Variants in DICER1 observed in about 807,000 individuals in gnomAD.
DICER1 encodes dicer 1, ribonuclease III.
Under a neutral mutation model 194.1 loss-of-function variants are expected in DICER1, and 43 were observed. That is an observed-to-expected ratio of 0.22 (90% CI 0.17 to 0.29). The LOEUF is 0.29. DICER1 is among the 10% of genes least tolerant of loss of function. DICER1 has a pLI of 1.00. For synonymous variants in DICER1, 832 were observed against 820.5 expected, an observed-to-expected ratio of 1.01 and a Z score of -0.24; for missense variants, 1,608 against 2,317.0, an observed-to-expected ratio of 0.69 and a Z score of 6.28.
At chr14:95,133,882 A>G (rs2140299412) in intron 1 of DICER1, among the ~76,000 whole-genome samples, 1 of 152,388 alleles carries the variant, frequency 6.6e-6, no homozygotes, top group Non-Finnish European at 1.5e-5. Flanking sequence ...ATTATAGCAC[A>G]TATCTGTAGT....
chr14:95,151,439 TA>T (rs1457058000), intron 1 of DICER1, among the ~76,000 whole-genome samples: 1 of 152,164 alleles, frequency 6.6e-6, no homozygotes, highest in African/African-American at 2.4e-5. Flanking sequence ...AAAAGAAAAA[TA>T]TTACATTAAT....
At chr14:95,134,527 T>C (rs1894210437) in intron 1 of DICER1, 1 of 152,238 alleles carries the variant, frequency 6.6e-6, no homozygotes, top group Non-Finnish European at 1.5e-5. Flanking sequence ...TTCAACTCTG[T>C]TACTTAACAA....
chr14:95,130,146 C>G lies in DICER1; in HGVS notation c.485G>C (p.Gly162Ala). The change falls in exon 5 of 27, where the codon GGT (glycine) becomes GCT (alanine). Residue 162 changes from glycine to alanine, a missense_variant. This residue lies in a region of DICER1 where 657 missense variants were observed against 910.1 expected (regional missense o/e 0.72). Transcript: ENST00000343455. ...GTTAATGTCTGACAGTGATAAGTAACCATTTTTCAAAACATTCAAGGCGAC... is the reference window on the plus strand; with the variant it reads ...GTTAATGTCTGACAGTGATAAGTAAGCATTTTTCAAAACATTCAAGGCGAC... ...CYVALNVLKNGYLSLSDINLL... is the reference protein window; with the variant it reads ...CYVALNVLKNAYLSLSDINLL... The G allele has an allele frequency of 6.2e-7, 1 of 1,613,242 alleles. No individual in the cohort carries two copies.
rs1408570042 is a variant in DICER1 at position 95,088,111 on chromosome 14, A to G, written c.*2387T>C. 5 of 232,196 alleles carry G rather than the reference A, an allele frequency of 2.2e-5. No individual in the cohort carries two copies. Among genetic ancestry groups the G allele is most frequent in the Admixed American group, 5.6e-5 (1 of 17,754 alleles). 14.4% of individuals were successfully genotyped at this position (232,196 alleles called of 1,614,324 possible). A position where few individuals can be genotyped will look rare whatever the true frequency, so the allele number is the denominator to read the frequency against. ...GCTTCAAACTGTGAGTCAAATTAAA[A>G]TCTACTATTTTTCTCCAACAAAAAG... On this transcript the variant is annotated 3_prime_UTR_variant, in exon 27 of 27. Transcript: ENST00000343455.
At chr14:95,153,781 A>C (rs185815380) in intron 1 of DICER1, among the ~76,000 whole-genome samples, 169 of 152,374 alleles carry the variant, frequency 1.1e-3, no homozygotes, top group African/African-American at 3.9e-3. Flanking sequence ...TAAACTATTA[A>C]ATAAATGTAC....
In DICER1 at chr14:95,096,607, T is replaced by G. The variant is rs1202589148; in HGVS notation, c.4313A>C (p.Tyr1438Ser). The G allele has an allele frequency of 1.9e-6, 3 of 1,611,902 alleles. No homozygotes were observed. The East Asian group carries it at 6.7e-5, about 36-fold the overall frequency. Residue 1438 changes from tyrosine to serine, a missense_variant, in exon 23 of 27, where the codon TAT becomes TCT. Coordinates refer to ENST00000343455, the MANE Select transcript of DICER1 (RefSeq NM_177438.3). The stretch of plus-strand genomic sequence containing the variant: ...ATCATACTCCAGGAAATCATCTTCA[T>G]AGTCAGCCTCTTCCTTCGGAGCCCT... ...MWRAPKEEADYEDDFLEYDQE... is the reference protein window; with the variant it reads ...MWRAPKEEADSEDDFLEYDQE...
At chr14:95,146,332 C>T (rs960986841) in intron 1 of DICER1, among the ~76,000 whole-genome samples, 1 of 152,202 alleles carries the variant, frequency 6.6e-6, no homozygotes, top group Non-Finnish European at 1.5e-5. Context: ...ACCTACACTT[C>T]CCTAATTGGT....
At chr14:95,114,135 C>T (rs968390818) in intron 11 of DICER1, among the ~76,000 whole-genome samples, 4 of 152,194 alleles carry the variant, frequency 2.6e-5, no homozygotes, top group Non-Finnish European at 5.9e-5. Context: ...AGCAACACAC[C>T]GGTAGCAATG....
intron 1 of DICER1, among the ~76,000 whole-genome samples, chr14:95,143,268 T>C (rs1401216116): frequency 6.6e-6 from 1 of 152,198 alleles, no homozygotes; most frequent in East Asian, 1.9e-4. Context: ...AGGACAGCCA[T>C]GGTATAGATA....
At chr14:95,115,962 C>A in intron 10 of DICER1, 141 bp from the exon 11 acceptor site, 1 of 794,818 alleles carries the variant, frequency 1.3e-6, no homozygotes, top group Non-Finnish European at 2.1e-6. Context: ...AAGTAACCTG[C>A]TGCAGACACC....
rs148887536 is a variant in DICER1 at position 95,126,928 on chromosome 14, T to C, written c.735-180A>G. ...TAATTATTATTTTTCTATATTACCA[T>C]ATTTCTCAACAGTAAATAATGTATT... On this transcript the variant is annotated intron_variant, in intron 6 of 26. Coordinates refer to ENST00000343455, the MANE Select transcript of DICER1 (RefSeq NM_177438.3). Among the ~76,000 whole-genome samples, 1,125 of 151,698 alleles carry C rather than the reference T, an allele frequency of 7.4e-3. 14 individuals are homozygous for C. Among genetic ancestry groups the C allele is most frequent in the African/African-American group, 0.026 (1,089 of 41,362 alleles).
At chr14:95,120,818 T>C (rs1408049321) in intron 8 of DICER1, among the ~76,000 whole-genome samples, 3 of 152,210 alleles carry the variant, frequency 2.0e-5, no homozygotes, top group Non-Finnish European at 2.9e-5. Context: ...CAAGTTTTCC[T>C]TACAGAAGAA....
chr14:95,124,169 G>A lies in DICER1; in HGVS notation c.1376+27C>T. On this transcript the variant is annotated intron_variant, in intron 8 of 26. Transcript: ENST00000343455. This position sits in a 1 kb window ranked among gnomAD's most constrained non-coding sequence, Gnocchi z 4.5. ...ACACAGGACGCCTCCCTGTTCTCAT[G>A]TGAAAGGAGTCAACTTACAGATTTA... 6.4e-7 allele frequency: 1 copy of A among 1,554,026 alleles called. No homozygotes were observed. The highest frequency in any genetic ancestry group is 8.9e-7 in the Non-Finnish European group (1 of 1,127,656).
intron 10 of DICER1, among the ~76,000 whole-genome samples, chr14:95,116,047 G>A (rs182625544): frequency 1.0e-4 from 15 of 147,248 alleles, no homozygotes; most frequent in Admixed American, 4.9e-4. Context: ...ATACTGTACC[G>A]TGCCTACACA....
chr14:95,127,235 A>G (rs1237948021), intron 6 of DICER1, among the ~76,000 whole-genome samples: 1 of 152,228 alleles, frequency 6.6e-6, no homozygotes, highest in Non-Finnish European at 1.5e-5. Flanking sequence ...TCATTTCTAA[A>G]AAACTCACTA....
At chr14:95,146,461 C>G (rs911573587) in intron 1 of DICER1, among the ~76,000 whole-genome samples, 4 of 152,216 alleles carry the variant, frequency 2.6e-5, no homozygotes, top group Admixed American at 6.5e-5. Flanking sequence ...CCCAGCCACA[C>G]TGGGGGAAAA....
At chr14:95,101,892 C>T (rs10143070) in intron 21 of DICER1, among the ~76,000 whole-genome samples, 4,205 of 152,188 alleles carry the variant, frequency 0.028, 189 homozygotes, top group African/African-American at 0.095. Context: ...TGGTTCTATC[C>T]GGAGCAGTTA....
chr14:95,102,287 C>T (rs1477562773), intron 21 of DICER1, among the ~76,000 whole-genome samples: 1 of 152,196 alleles, frequency 6.6e-6, no homozygotes, highest in African/African-American at 2.4e-5. Context: ...TGCTTTTCAA[C>T]TCACACTACA....
chr14:95,132,619 G>A lies in DICER1; in HGVS notation c.203C>T (p.Ser68Leu). 6.2e-7 allele frequency: 1 copy of A among 1,613,890 alleles called. No homozygotes were observed. Among genetic ancestry groups the A allele is most frequent in the Non-Finnish European group, 8.5e-7 (1 of 1,179,876 alleles). ...HNTIVCLNTG[S>L]GKTFIAVLLT... ...TAGTACTGCAATAAATGTCTTCCCT[G>A]AGCCAGTGTTTAAACAGACGATGGT... is the stretch of plus-strand genomic sequence containing the variant. The change falls in exon 3 of 27, where the codon TCA becomes TTA. Residue 68 changes from serine to leucine, a missense_variant. Ser to Leu is a moderately radical substitution (Grantham distance 145). Transcript: ENST00000343455.
Sources: allele counts gnomAD v4.1 joint callset (sites outside exome capture counted in the v4.1 genomes callset), GRCh38; gene constraint gnomAD v4.1.1; regional missense constraint gnomAD v4.1.1; non-coding constraint Gnocchi (gnomAD v3.1); transcripts MANE v1.5; gene names NCBI Gene and HGNC (gene_info 2026-07-23, HGNC 2026-07-21).